The following SLC9C2 variants were observed in gnomAD, a reference collection of about 807,000 sequenced individuals.
SLC9C2 encodes solute carrier family 9 member C2 (putative).
Under a neutral mutation model 140.2 loss-of-function variants are expected in SLC9C2, and 75 were observed. The ratio of observed to expected loss-of-function variants is 0.53; its 90% CI spans 0.44 to 0.65. SLC9C2 has a LOEUF of 0.65. Ranked by LOEUF, SLC9C2 falls within the 30% of genes least tolerant of loss-of-function variation. The pLI, the probability that SLC9C2 is intolerant of heterozygous loss-of-function variation, is 0.00. For missense variants in SLC9C2, 1,074 were observed against 1,331.8 expected, an observed-to-expected ratio of 0.81 and a Z score of 3.01; for synonymous variants, 375 against 420.9, an observed-to-expected ratio of 0.89 and a Z score of 1.34.
intron 19 of SLC9C2, among the ~76,000 whole-genome samples, chr1:173,525,236 C>G: frequency 6.6e-6 from 1 of 152,166 alleles, no homozygotes; most frequent in Non-Finnish European, 1.5e-5. Context: ...ACTTCTCTGT[C>G]TCATCCTCCA....
At chr1:173,574,796 C>G (rs1665064561) in intron 8 of SLC9C2, among the ~76,000 whole-genome samples, 1 of 152,030 alleles carries the variant, frequency 6.6e-6, no homozygotes, top group Non-Finnish European at 1.5e-5. Flanking sequence ...AGGCATGAGC[C>G]ACCGCACCCG....
chr1:173,545,141 A>G (rs1662752282), intron 13 of SLC9C2, among the ~76,000 whole-genome samples: 1 of 152,180 alleles, frequency 6.6e-6, no homozygotes, highest in Non-Finnish European at 1.5e-5. Context: ...CTACCTTCTC[A>G]ACAAGACTAA....
intron 24 of SLC9C2, among the ~76,000 whole-genome samples, chr1:173,507,523 C>CACACAT (rs1659735618): frequency 6.6e-6 from 1 of 152,086 alleles, no homozygotes; most frequent in Admixed American, 6.6e-5. Context: ...CACACACACA[C>CACACAT]ACACACACCA....
Position 173,503,332 on chromosome 1 carries a change from CA to C in SLC9C2, c.3311-7del. 1.2e-6 allele frequency: 2 copies of C among 1,611,980 alleles called. No homozygotes were observed. Among genetic ancestry groups the C allele is most frequent in the Non-Finnish European group, 1.7e-6 (2 of 1,178,978 alleles). On this transcript the variant is annotated splice_polypyrimidine_tract_variant and splice_region_variant and intron_variant, in intron 26 of 27. Coordinates refer to ENST00000367714, the MANE Select transcript of SLC9C2 (RefSeq NM_178527.4). ...AAAGACCGTGTTGACTGAGGCTAAC[CA>C]AATCCAAGCATTGAACAGAAAAAGT... is the stretch of plus-strand genomic sequence containing the variant.
chr1:173,501,044 C>T lies in SLC9C2; in HGVS notation c.*50G>A. The T allele has an allele frequency of 6.8e-7, 1 of 1,473,642 alleles. No individual in the cohort carries two copies. The highest frequency in any genetic ancestry group is 1.5e-5 in the South Asian group (1 of 66,858). The allele number at this position is 1,473,642 out of a possible 1,614,324, so 91.3% of individuals were successfully genotyped here. On this transcript the variant is annotated 3_prime_UTR_variant, in exon 28 of 28. Coordinates refer to ENST00000367714, the MANE Select transcript of SLC9C2 (RefSeq NM_178527.4). ...TAGTTTGGTCTTTAACCTGACTCCA[C>T]ACATCATATTTGTATCATTAATACC... is the stretch of plus-strand genomic sequence containing the variant.
chr1:173,592,874 G>A (rs1462869187), intron 4 of SLC9C2, among the ~76,000 whole-genome samples: 1 of 152,112 alleles, frequency 6.6e-6, no homozygotes, highest in Non-Finnish European at 1.5e-5. Context: ...GGCTAACAGT[G>A]GACCTCTCAG....
chr1:173,524,289 G>A (rs1399649580), intron 20 of SLC9C2, among the ~76,000 whole-genome samples, 195 bp from the exon 21 acceptor site: 1 of 152,078 alleles, frequency 6.6e-6, no homozygotes, highest in Admixed American at 6.5e-5. Context: ...TATTTTCACT[G>A]ACTTATTAAC....
At chr1:173,501,892 A>G (rs1032932911) in intron 27 of SLC9C2, among the ~76,000 whole-genome samples, 1 of 152,110 alleles carries the variant, frequency 6.6e-6, no homozygotes, top group Non-Finnish European at 1.5e-5. Context: ...CTTGATTATC[A>G]TAAATAACAG....
At chr1:173,578,972 A>C (rs937598189) in intron 7 of SLC9C2, among the ~76,000 whole-genome samples, 4 of 152,254 alleles carry the variant, frequency 2.6e-5, no homozygotes. Context: ...AACCTAAAAC[A>C]GGAGGCTACC....
At chr1:173,570,595 A>C (rs974732708) in intron 9 of SLC9C2, among the ~76,000 whole-genome samples, 3 of 151,988 alleles carry the variant, frequency 2.0e-5, no homozygotes. Flanking sequence ...ACTGGCTCTG[A>C]GACCAGCACA....
At chr1:173,575,669 C>G (rs906699093) in intron 8 of SLC9C2, among the ~76,000 whole-genome samples, 1 of 152,014 alleles carries the variant, frequency 6.6e-6, no homozygotes, top group East Asian at 1.9e-4. Flanking sequence ...CTCCGCCTCC[C>G]GGGTTCACGC....
Position 173,600,186 on chromosome 1 carries a change from T to C in SLC9C2, c.159A>G (p.Glu53=), listed in dbSNP as rs1279258418. The C allele has an allele frequency of 1.9e-6, 3 of 1,612,614 alleles. No individual in the cohort carries two copies. The Admixed American group carries it at 5.0e-5, about 27-fold the overall frequency. Residue 53 remains glutamate (E), a synonymous_variant, in exon 3 of 28, where the codon GAA becomes GAG. Transcript: ENST00000367714. ...GAGAAAGAATCGTCAAAACAATGAC[T>C]TCACAATTCTTTAAACACATCTTCA... ...GLLKMCLKNC[E]VIVLTILSLS... is the part of the protein sequence containing the mutation.
In SLC9C2 at chr1:173,530,015, T is replaced by C. The variant is rs765245423; in HGVS notation, c.2203A>G (p.Ile735Val). ...TACATCAAGCTGAGGCGCTTTTTGA[T>C]CTGCACATCTGCAATTCTTATCAGT... ...PILIRIADVQIKKRLSLMYSI... is the reference protein window; with the variant it reads ...PILIRIADVQVKKRLSLMYSI... Residue 735 changes from isoleucine (I) to valine (V), a missense_variant, in exon 18 of 28, where the codon ATC becomes GTC. By Grantham distance (29) the Ile-to-Val change is conservative (BLOSUM62 3). Coordinates refer to ENST00000367714, the MANE Select transcript of SLC9C2 (RefSeq NM_178527.4). 3.7e-6 allele frequency: 6 copies of C among 1,612,630 alleles called. No individual in the cohort carries two copies. Among genetic ancestry groups the C allele is most frequent in the South Asian group, 1.1e-5 (1 of 90,716 alleles).
At chr1:173,535,568 A>G (rs1203220629) in intron 15 of SLC9C2, among the ~76,000 whole-genome samples, 3 of 152,142 alleles carry the variant, frequency 2.0e-5, no homozygotes, top group Non-Finnish European at 4.4e-5. Flanking sequence ...CCCGCAACAC[A>G]CTACAACCCT....
intron 18 of SLC9C2, 111 bp from the exon 19 acceptor site, chr1:173,526,825 C>T (rs1219319200): frequency 2.7e-6 from 2 of 750,172 alleles, no homozygotes; most frequent in Admixed American, 3.2e-5. Context: ...ACTTATTATA[C>T]CAAGTATAGT....
chr1:173,598,735 C>T (rs148824396), intron 3 of SLC9C2, among the ~76,000 whole-genome samples: 15 of 152,236 alleles, frequency 9.9e-5, no homozygotes, highest in African/African-American at 3.4e-4. Context: ...AATAAATTAA[C>T]TCAAGGGTTA....
At chr1:173,533,400 T>C (rs980460989) in intron 17 of SLC9C2, among the ~76,000 whole-genome samples, 10 of 152,068 alleles carry the variant, frequency 6.6e-5, no homozygotes, top group Non-Finnish European at 1.2e-4. Context: ...CACCTCAGCC[T>C]CCCAAGTAGC....
rs1558083574 is a variant in SLC9C2, at chr1:173,576,775, AAAAC to A, written c.803-19_803-16del. ...TAAAAATTCCACTGGGGAGAAAAAAAAAACAAATGAATCAAATGCAATGTATTCA... is the reference window on the plus strand; with the variant it reads ...TAAAAATTCCACTGGGGAGAAAAAAAAAATGAATCAAATGCAATGTATTCA... On this transcript the variant is annotated splice_polypyrimidine_tract_variant and intron_variant, in intron 7 of 27. Coordinates refer to ENST00000367714, the MANE Select transcript of SLC9C2 (RefSeq NM_178527.4). 6.6e-7 allele frequency: 1 copy of A among 1,503,968 alleles called. No individual in the cohort carries two copies. Among genetic ancestry groups the A allele is most frequent in the South Asian group, 1.2e-5 (1 of 84,562 alleles). The allele number at this position is 1,503,968 out of a possible 1,614,324, so 93.2% of individuals were successfully genotyped here.
intron 4 of SLC9C2, among the ~76,000 whole-genome samples, chr1:173,591,669 G>A (rs1453493179): frequency 2.6e-5 from 4 of 152,112 alleles, no homozygotes; most frequent in Non-Finnish European, 5.9e-5. Context: ...CTGCAAGTAT[G>A]TCTTCTTTTG....
Sources: gnomAD v4.1 joint callset for allele counts (sites outside exome capture counted in the v4.1 genomes callset) on GRCh38, gnomAD v4.1.1 for gene constraint, MANE v1.5 for transcripts, NCBI Gene and HGNC (gene_info 2026-07-23, HGNC 2026-07-21) for gene names.